Variants in AADAT observed in about 807,000 individuals in gnomAD.
AADAT encodes the protein aminoadipate aminotransferase.
In AADAT, 25 loss-of-function variants were observed where a neutral mutation model predicts 56.2. The observed-to-expected ratio is 0.44, with a 90% CI of 0.32 to 0.62. AADAT has a LOEUF of 0.62. Among genes scored for constraint, AADAT ranks in the 20% least tolerant of loss-of-function variants. AADAT has a pLI of 0.04. For synonymous variants in AADAT, 173 were observed against 164.7 expected (o/e 1.05, Z -0.39); for missense variants, 387 against 510.5 (o/e 0.76, Z 2.33).
intron 7 of AADAT, among the ~76,000 whole-genome samples, chr4:170,068,921 C>G (rs550035231): frequency 2.0e-5 from 3 of 152,292 alleles, no homozygotes; most frequent in African/African-American, 7.2e-5. Context: ...TATCAAAAAC[C>G]TGACTGGTCC....
chr4:170,078,366 C>T, intron 4 of AADAT, 143 bp downstream of exon 4: 3 of 475,618 alleles, frequency 6.3e-6, no homozygotes, highest in South Asian at 6.9e-5. Flanking sequence ...ATAAAATATG[C>T]TATTTCATTT....
intron 3 of AADAT, among the ~76,000 whole-genome samples, chr4:170,081,110 A>T (rs1732281538): frequency 6.6e-6 from 1 of 152,180 alleles, no homozygotes; most frequent in Non-Finnish European, 1.5e-5. Flanking sequence ...TTGAAATAAT[A>T]AAAATAACAA....
chr4:170,079,098 A>G (rs1732173051), intron 3 of AADAT, among the ~76,000 whole-genome samples: 1 of 152,210 alleles, frequency 6.6e-6, no homozygotes, highest in Non-Finnish European at 1.5e-5. Flanking sequence ...CAATTAAATA[A>G]CTACCCAATA....
At chr4:170,070,564 A>C (rs1231383314) in intron 6 of AADAT, 23 bp downstream of exon 6, 22 of 1,534,928 alleles carry the variant, frequency 1.4e-5, no homozygotes, top group Non-Finnish European at 1.9e-5. Flanking sequence ...CTAATAGTGA[A>C]GTAAGTTCAC....
intron 4 of AADAT, among the ~76,000 whole-genome samples, chr4:170,077,297 A>C (rs1732088408): frequency 6.6e-6 from 1 of 152,294 alleles, no homozygotes; most frequent in Admixed American, 6.5e-5. Flanking sequence ...TAATATCTTA[A>C]CAATATTAAG....
At chr4:170,088,337 C>T in intron 2 of AADAT, 59 bp downstream of exon 2, 2 of 1,454,480 alleles carry the variant, frequency 1.4e-6, no homozygotes, top group South Asian at 1.4e-5. Flanking sequence ...TATCAATGGG[C>T]CTTAGAATAT....
intron 4 of AADAT, among the ~76,000 whole-genome samples, chr4:170,074,060 G>A (rs777660491): frequency 4.6e-5 from 7 of 152,152 alleles, no homozygotes; most frequent in Non-Finnish European, 1.0e-4. Flanking sequence ...GAAGAAAGAT[G>A]GCATGGAACT....
chr4:170,085,913 T>C (rs918617224), intron 3 of AADAT, among the ~76,000 whole-genome samples: 1 of 152,038 alleles, frequency 6.6e-6, no homozygotes, highest in African/African-American at 2.4e-5. Flanking sequence ...CTACTCTGGT[T>C]TAAGATAAAG....
chr4:170,065,073 G>A (rs1274224067), intron 10 of AADAT, among the ~76,000 whole-genome samples: 1 of 152,152 alleles, frequency 6.6e-6, no homozygotes, highest in African/African-American at 2.4e-5. Context: ...AATAGCTCGC[G>A]TGTGCGTATT....
At chr4:170,063,108 C>A (rs1731273845) in intron 11 of AADAT, among the ~76,000 whole-genome samples, 1 of 152,040 alleles carries the variant, frequency 6.6e-6, no homozygotes, top group African/African-American at 2.4e-5. Context: ...GTACTCTGGG[C>A]AAAAGATTTC....
rs905767004 is a variant in AADAT, at chr4:170,068,802, A to G, written c.804-115T>C. On this transcript the variant is annotated intron_variant, in intron 7 of 12. Transcript: ENST00000337664. ...ACCTGGGGACAAAAGGATCTAGATA[A>G]TTAAAACATTCTAATAAAACTAACT... 4.6e-6 allele frequency: 3 copies of G among 654,850 alleles called. No individual in the cohort carries two copies. In the African/African-American group the frequency reaches 5.6e-5, roughly 12 times the overall value. 40.6% of individuals were successfully genotyped at this position (654,850 alleles called of 1,614,324 possible).
intron 3 of AADAT, among the ~76,000 whole-genome samples, chr4:170,086,784 G>A (rs2111213035): frequency 6.6e-6 from 1 of 152,260 alleles, no homozygotes; most frequent in South Asian, 2.1e-4. Flanking sequence ...TTAGGCTAGT[G>A]AATGATGTTA....
chr4:170,061,659 T>C (rs1014390762), intron 12 of AADAT, among the ~76,000 whole-genome samples: 9 of 152,238 alleles, frequency 5.9e-5, no homozygotes, highest in Non-Finnish European at 1.2e-4. Flanking sequence ...TAGGTTGTGA[T>C]ACATTATTCA....
At chr4:170,064,978 T>C (rs2111144139) in intron 10 of AADAT, among the ~76,000 whole-genome samples, 153 bp from the exon 11 acceptor site, 1 of 152,242 alleles carries the variant, frequency 6.6e-6, no homozygotes, top group Non-Finnish European at 1.5e-5. Flanking sequence ...TATCATTTTG[T>C]GAGCCTTCAA....
Position 170,068,707 on chromosome 4 carries a change from G to GCA in AADAT, c.804-22_804-21dup. On this transcript the variant is annotated intron_variant, in intron 7 of 12. Transcript: ENST00000337664. ...CTCAACCTACGTGGAAAGAGAAAAGGCACGATACCAATTCCATATTAACAA... is the reference window on the plus strand; with the variant it reads ...CTCAACCTACGTGGAAAGAGAAAAGGCACACGATACCAATTCCATATTAACAA... 2 of 1,471,818 alleles carry GCA rather than the reference G, an allele frequency of 1.4e-6. No individual in the cohort carries two copies. Among genetic ancestry groups the GCA allele is most frequent in the Non-Finnish European group, 1.9e-6 (2 of 1,075,164 alleles). The allele number at this position is 1,471,818 out of a possible 1,614,324, so 91.2% of individuals were successfully genotyped here.
upstream of AADAT, chr4:170,090,596 ATTTCTGACC>A (rs973861638): frequency 6.6e-6 from 1 of 152,136 alleles, no homozygotes; most frequent in African/African-American, 2.4e-5. Context: ...CTCACATTGA[ATTTCTGACC>A]TTTCGTTAAA....
chr4:170,061,054 A>G, intron 12 of AADAT, 85 bp from the exon 13 acceptor site: 2 of 1,007,690 alleles, frequency 2.0e-6, no homozygotes, highest in Non-Finnish European at 2.8e-6. Context: ...ATCCAAACAA[A>G]GAGTATCTGT....
intron 3 of AADAT, 97 bp from the exon 4 acceptor site, chr4:170,078,680 T>C (rs919928684): frequency 1.9e-5 from 14 of 742,422 alleles, no homozygotes; most frequent in South Asian, 1.4e-4. Context: ...CACATGGTTC[T>C]AGAGTAAGAA....
upstream of AADAT, among the ~76,000 whole-genome samples, chr4:170,091,327 C>T (rs529630468): frequency 4.1e-4 from 63 of 152,232 alleles, no homozygotes; most frequent in Middle Eastern, 0.014. Context: ...CTCAGAGCGG[C>T]GGGCCGGCTC....
Sources: allele counts gnomAD v4.1 joint callset (sites outside exome capture counted in the v4.1 genomes callset), GRCh38; gene constraint gnomAD v4.1.1; transcripts MANE v1.5; gene names NCBI Gene and HGNC (gene_info 2026-07-23, HGNC 2026-07-21).